PRSS23: variants seen among roughly 807,000 people sequenced by gnomAD.
The protein encoded by PRSS23 is serine protease 23, also known as protease, serine 23.
PRSS23 carries 25 observed loss-of-function variants against 34.7 expected under a neutral mutation model. That is an observed-to-expected ratio of 0.72 (90% CI 0.53 to 1.01). The LOEUF is 1.01. PRSS23 is among the 50% of genes least tolerant of loss of function. The probability of loss-of-function intolerance (pLI) is 0.00; values close to 1 mark genes in which losing one functional copy is unlikely to be tolerated. For missense variants in PRSS23, 445 were observed against 475.6 expected, an observed-to-expected ratio of 0.94 and a Z score of 0.60; for synonymous variants, 176 against 186.6, an observed-to-expected ratio of 0.94 and a Z score of 0.46.
chr11:86,822,779 T>C (rs904429780), intron 1 of PRSS23, among the ~76,000 whole-genome samples: 2 of 152,084 alleles, frequency 1.3e-5, no homozygotes, highest in East Asian at 3.9e-4. Flanking sequence ...TGGAGGTGAT[T>C]CTGTTAGTGG....
chr11:86,914,557 G>A (rs1949000188), intron 2 of PRSS23, among the ~76,000 whole-genome samples: 1 of 152,206 alleles, frequency 6.6e-6, no homozygotes, highest in South Asian at 2.1e-4. Flanking sequence ...TTCAAAAAAT[G>A]TAATTAATCT....
intron 2 of PRSS23, among the ~76,000 whole-genome samples, chr11:86,830,805 C>T (rs1199150889): frequency 6.6e-6 from 1 of 152,092 alleles, no homozygotes; most frequent in Non-Finnish European, 1.5e-5. Context: ...TAATATCTCA[C>T]TGGGTGTACA....
At chr11:86,927,564 C>G (rs1949090078) in intron 2 of PRSS23, among the ~76,000 whole-genome samples, 1 of 152,096 alleles carries the variant, frequency 6.6e-6, no homozygotes, top group Non-Finnish European at 1.5e-5. Flanking sequence ...CCAGTCTGGT[C>G]TTGAACTCCT....
At chr11:86,936,575 ACTTT>A (rs1299702383) in intron 2 of PRSS23, 3 of 152,072 alleles carry the variant, frequency 2.0e-5, no homozygotes, top group Non-Finnish European at 4.4e-5. Flanking sequence ...CCAGCCAATT[ACTTT>A]TTTTAATGTG....
At chr11:86,821,885 A>G (rs950922346) in intron 1 of PRSS23, among the ~76,000 whole-genome samples, 1 of 152,218 alleles carries the variant, frequency 6.6e-6, no homozygotes, top group African/African-American at 2.4e-5. Flanking sequence ...TAGAAGTAAA[A>G]TGGATGTATT....
intron 2 of PRSS23, among the ~76,000 whole-genome samples, chr11:86,855,468 A>G (rs1001979046): frequency 2.6e-5 from 4 of 151,988 alleles, no homozygotes; most frequent in Admixed American, 2.0e-4. Flanking sequence ...TCTGCTAAAC[A>G]CCTTGATACT....
intron 2 of PRSS23, among the ~76,000 whole-genome samples, chr11:86,873,652 G>C (rs548704057): frequency 2.4e-3 from 366 of 152,172 alleles, no homozygotes; most frequent in African/African-American, 8.5e-3. Context: ...CCCATGCAAG[G>C]CCACTCAGAG....
intron 2 of PRSS23, among the ~76,000 whole-genome samples, chr11:86,841,939 A>G (rs111369003): frequency 2.3e-3 from 343 of 152,376 alleles, no homozygotes; most frequent in African/African-American, 7.8e-3. Flanking sequence ...TTATAAGACC[A>G]GGATCATCCT....
rs560629767 is a variant in PRSS23 at position 86,877,460 on chromosome 11, A to G, written c.206+53867A>G. On this transcript the variant is annotated intron_variant, in intron 2 of 2. Coordinates refer to the PRSS23 transcript ENST00000533902. ...TGGATTCATTTTAAACAGAATTTTT[A>G]TTAACATATTTTTATTGAGGCTTTT... 7.9e-5 allele frequency among the ~76,000 whole-genome samples: 12 copies of G among 152,298 alleles called. No individual in the cohort carries two copies. In the East Asian group the frequency reaches 1.3e-3, roughly 17 times the overall value.
intron 2 of PRSS23, among the ~76,000 whole-genome samples, chr11:86,872,331 A>G (rs1948690500): frequency 6.6e-6 from 1 of 152,234 alleles, no homozygotes; most frequent in South Asian, 2.1e-4. Context: ...TATAAATACC[A>G]CTTTTCTGAG....
chr11:86,950,701 T>G (rs1949282787), intron 2 of PRSS23: 1 of 232,766 alleles, frequency 4.3e-6, no homozygotes, highest in Non-Finnish European at 8.5e-6. Flanking sequence ...GTTTATAGAT[T>G]GCTTTGCTAT....
At chr11:86,928,674 C>CA (rs1212658424) in intron 2 of PRSS23, among the ~76,000 whole-genome samples, 1,143 of 13,540 alleles carry the variant, frequency 0.084, 219 homozygotes, top group African/African-American at 0.2. Context: ...GACTCTGTCT[C>CA]AAAAAAAAAA....
chr11:86,795,809 G>A (rs1947977146), upstream of PRSS23, among the ~76,000 whole-genome samples: 1 of 152,204 alleles, frequency 6.6e-6, no homozygotes, highest in African/African-American at 2.4e-5. Flanking sequence ...AAAGAAATAT[G>A]AAACCATATG....
At chr11:86,927,897 C>T (rs970896227) in intron 2 of PRSS23, among the ~76,000 whole-genome samples, 5 of 151,478 alleles carry the variant, frequency 3.3e-5, no homozygotes, top group Non-Finnish European at 7.4e-5. Context: ...GCTGAGATTG[C>T]ACCACTGCAC....
chr11:86,872,707 C>T (rs2433446), intron 2 of PRSS23, among the ~76,000 whole-genome samples: 86,446 of 151,902 alleles, frequency 0.57, 25,524 homozygotes, highest in African/African-American at 0.73. Context: ...ATGATGAAAA[C>T]CCAATTATCC....
intron 2 of PRSS23, among the ~76,000 whole-genome samples, chr11:86,887,077 T>TG (rs1365071427): frequency 1.3e-5 from 2 of 152,224 alleles, no homozygotes; most frequent in Non-Finnish European, 2.9e-5. Flanking sequence ...ATGAAGAAAT[T>TG]GGACTTTAAG....
chr11:86,818,742 G>T (rs546284328), intron 1 of PRSS23, among the ~76,000 whole-genome samples: 1 of 152,230 alleles, frequency 6.6e-6, no homozygotes, highest in African/African-American at 2.4e-5. Context: ...TTTGTTTTTA[G>T]TTTGATCTTT....
intron 2 of PRSS23, among the ~76,000 whole-genome samples, chr11:86,836,250 A>G (rs548100884): frequency 3.3e-5 from 5 of 152,212 alleles, no homozygotes; most frequent in African/African-American, 1.2e-4. Flanking sequence ...TGCAGGGGCT[A>G]TTGCACGGTT....
intron 2 of PRSS23, among the ~76,000 whole-genome samples, chr11:86,858,716 G>T (rs1222684494): frequency 6.6e-6 from 1 of 151,628 alleles, no homozygotes; most frequent in African/African-American, 2.4e-5. Flanking sequence ...ATCACAGGGG[G>T]TGTACACAAC....
Sources: allele counts gnomAD v4.1 joint callset (sites outside exome capture counted in the v4.1 genomes callset), GRCh38; gene constraint gnomAD v4.1.1; transcripts MANE v1.5; gene names NCBI Gene and HGNC (gene_info 2026-07-23, HGNC 2026-07-21).